Variants in LEP observed in about 807,000 individuals in gnomAD.
LEP encodes leptin.
Under a neutral mutation model 9.8 loss-of-function variants are expected in LEP, and 6 were observed. The observed-to-expected ratio is 0.61, with a 90% CI of 0.34 to 1.21. The LOEUF (loss-of-function observed/expected upper bound fraction) is 1.21. LEP is among the 50% of genes most tolerant of loss of function. The pLI, the probability that LEP is intolerant of heterozygous loss-of-function variation, is 0.04. For missense variants in LEP, 134 were observed against 198.1 expected (o/e 0.68, Z 1.94); for synonymous variants, 112 against 81.7 (o/e 1.37, Z -2.00).
At chr7:128,254,239 C>T (rs1298607607) in intron 2 of LEP, among the ~76,000 whole-genome samples, 165 bp from the exon 3 acceptor site, 1 of 152,142 alleles carries the variant, frequency 6.6e-6, no homozygotes, top group Non-Finnish European at 1.5e-5. Flanking sequence ...AGAGGCTTGG[C>T]AGTCACCTGG....
chr7:128,252,364 C>T (rs1795285464), intron 2 of LEP, among the ~76,000 whole-genome samples: 1 of 152,172 alleles, frequency 6.6e-6, no homozygotes, highest in Admixed American at 6.5e-5. Context: ...TGCTGAGATT[C>T]CAGGGGTTAG....
rs1396289002 is a variant in LEP, at chr7:128,254,316, C to A, written c.145-88C>A. On this transcript the variant is annotated intron_variant, in intron 2 of 2. Transcript: ENST00000308868. ...TGGAAGGAGGCAGCCCAGAGAATGA[C>A]CCTCCATGCCCACGGGGAAGGCAGA... 12 of 1,557,686 alleles carry A rather than the reference C, an allele frequency of 7.7e-6. No homozygotes were observed. The Admixed American group carries it at 1.8e-4, about 24-fold the overall frequency.
intron 1 of LEP, among the ~76,000 whole-genome samples, chr7:128,241,671 G>C (rs1795153339): frequency 6.6e-6 from 1 of 152,222 alleles, no homozygotes; most frequent in Non-Finnish European, 1.5e-5. Flanking sequence ...GTCTGAAGGA[G>C]ATAAAGTTGG....
chr7:128,249,847 T>G (rs1795253949), intron 1 of LEP, among the ~76,000 whole-genome samples: 1 of 152,220 alleles, frequency 6.6e-6, no homozygotes, highest in Non-Finnish European at 1.5e-5. Flanking sequence ...CTCCTAAACC[T>G]GGCCTCTCCT....
chr7:128,251,771 A>G (rs1795277567), intron 1 of LEP, among the ~76,000 whole-genome samples: 1 of 152,174 alleles, frequency 6.6e-6, no homozygotes, highest in Non-Finnish European at 1.5e-5. Context: ...AGGATACCTC[A>G]TGGTGGTTTT....
intron 1 of LEP, among the ~76,000 whole-genome samples, chr7:128,246,850 G>C (rs1169880637): frequency 6.6e-6 from 1 of 152,154 alleles, no homozygotes; most frequent in Non-Finnish European, 1.5e-5. Flanking sequence ...GAGGGTAGAA[G>C]ATGGGGCAGC....
Position 128,254,711 on chromosome 7 carries a change from A to C in LEP, c.452A>C (p.Gln151Pro). The change falls in exon 3 of 3, where the codon CAG becomes CCG. Residue 151 changes from glutamine to proline, a missense_variant. Physicochemically the swap from Gln to Pro is moderately conservative, Grantham distance 76. Coordinates refer to ENST00000308868, the MANE Select transcript of LEP (RefSeq NM_000230.3). ...STEVVALSRL[Q>P]GSLQDMLWQL... Reference sequence around the variant, plus strand: ...GAGGTGGTGGCCCTGAGCAGGCTGCAGGGGTCTCTGCAGGACATGCTGTGG... The same window carrying C: ...GAGGTGGTGGCCCTGAGCAGGCTGCCGGGGTCTCTGCAGGACATGCTGTGG... 1 of 1,613,608 alleles carries C rather than the reference A, an allele frequency of 6.2e-7. No individual in the cohort carries two copies. The highest frequency in any genetic ancestry group is 8.5e-7 in the Non-Finnish European group (1 of 1,179,996).
chr7:128,254,288 G>T, intron 2 of LEP, 116 bp from the exon 3 acceptor site: 1 of 1,350,142 alleles, frequency 7.4e-7, no homozygotes. Flanking sequence ...TGGTGAGGGA[G>T]GGTGGAAGGA....
At chr7:128,247,072 C>T (rs1015593818) in intron 1 of LEP, among the ~76,000 whole-genome samples, 7 of 152,226 alleles carry the variant, frequency 4.6e-5, no homozygotes, top group African/African-American at 1.7e-4. Flanking sequence ...GCTGTATCAA[C>T]ATTTCAGCAG....
At chr7:128,250,220 G>A (rs1795258469) in intron 1 of LEP, among the ~76,000 whole-genome samples, 1 of 152,172 alleles carries the variant, frequency 6.6e-6, no homozygotes, top group Non-Finnish European at 1.5e-5. Flanking sequence ...ATTTAACTCT[G>A]TTGCACAAAC....
chr7:128,241,862 A>G (rs572547898), intron 1 of LEP, among the ~76,000 whole-genome samples: 139 of 152,356 alleles, frequency 9.1e-4, no homozygotes, highest in Middle Eastern at 6.8e-3. Context: ...AACAAGTGTC[A>G]GGAAGACTCA....
chr7:128,250,814 CT>C (rs1387399393), intron 1 of LEP, among the ~76,000 whole-genome samples: 1 of 152,192 alleles, frequency 6.6e-6, no homozygotes, highest in Non-Finnish European at 1.5e-5. Context: ...CTAATATTTA[CT>C]TACATTTTAT....
In LEP at chr7:128,254,969, A is replaced by G. The variant is rs1292727745; in HGVS notation, c.*206A>G. ...ACCAAAGATATATACACAGGATCCT[A>G]TTCTCACCAGGAAGGGGGTCCACCC... is the stretch of plus-strand genomic sequence containing the variant. On this transcript the variant is annotated 3_prime_UTR_variant, in exon 3 of 3. Transcript: ENST00000308868. The G allele has an allele frequency of 1.7e-6, 1 of 604,056 alleles. No individual in the cohort carries two copies. The highest frequency in any genetic ancestry group is 2.9e-6 in the Non-Finnish European group (1 of 339,806). 37.4% of individuals were successfully genotyped at this position (604,056 alleles called of 1,614,324 possible). A position where few individuals can be genotyped will look rare whatever the true frequency, so the allele number is the denominator to read the frequency against.
At chr7:128,245,075 T>A (rs1463812902) in intron 1 of LEP, among the ~76,000 whole-genome samples, 3 of 152,092 alleles carry the variant, frequency 2.0e-5, no homozygotes, top group Non-Finnish European at 2.9e-5. Flanking sequence ...TGTATGTGTG[T>A]CTCTTGGGTA....
chr7:128,251,887 C>A lies in LEP; in HGVS notation c.-28-104C>A, dbSNP rs960931688. 3.2e-6 allele frequency: 3 copies of A among 944,762 alleles called. No individual in the cohort carries two copies. The East Asian group carries it at 7.2e-5, about 23-fold the overall frequency. The allele number at this position is 944,762 out of a possible 1,614,324, so 58.5% of individuals were successfully genotyped here. On this transcript the variant is annotated intron_variant, in intron 1 of 2. Coordinates refer to ENST00000308868, the MANE Select transcript of LEP (RefSeq NM_000230.3). The stretch of plus-strand genomic sequence containing the variant: ...AGGGGATGGTAGCCAGAGCAGAAAG[C>A]AAAGCTGATTTTCATCCCCGTCTGG...
chr7:128,249,458 TG>T (rs1375394234), intron 1 of LEP, among the ~76,000 whole-genome samples: 1 of 152,074 alleles, frequency 6.6e-6, no homozygotes, highest in East Asian at 1.9e-4. Flanking sequence ...GAGCAAGGGA[TG>T]AAAAAGGAAG....
At position 128,255,745 on chromosome 7, in the gene LEP, CA is replaced by C. The variant is rs1795331081; in HGVS notation, c.*983del. 6.6e-6 allele frequency: 1 copy of C among 152,234 alleles called. No homozygotes were observed. The highest frequency in any genetic ancestry group is 2.1e-4 in the South Asian group (1 of 4,822). The allele number at this position is 152,234 out of a possible 1,614,324, so 9.4% of individuals were successfully genotyped here. On this transcript the variant is annotated 3_prime_UTR_variant, in exon 3 of 3. Coordinates refer to ENST00000308868, the MANE Select transcript of LEP (RefSeq NM_000230.3). ...ATGTTTTTCATGAAAATAGCTCTTT[CA>C]GGGGGGTTGTGAGGCCTGGCCAGGC... is the stretch of plus-strand genomic sequence containing the variant.
At position 128,254,460 on chromosome 7, in the gene LEP, C is replaced by T; in HGVS notation, c.201C>T (p.His67=). The T allele has an allele frequency of 6.2e-7, 1 of 1,614,066 alleles. No individual in the cohort carries two copies. The highest frequency in any genetic ancestry group is 1.1e-5 in the South Asian group (1 of 91,080). The change falls in exon 3 of 3, where the codon CAC becomes CAT. Residue 67 remains histidine, a synonymous_variant. Coordinates refer to ENST00000308868, the MANE Select transcript of LEP (RefSeq NM_000230.3). Reference sequence around the variant, plus strand: ...GTTTGGACTTCATTCCTGGGCTCCACCCCATCCTGACCTTATCCAAGATGG... The same window carrying T: ...GTTTGGACTTCATTCCTGGGCTCCATCCCATCCTGACCTTATCCAAGATGG... ...VTGLDFIPGL[H]PILTLSKMDQ...
chr7:128,242,830 G>T lies in LEP; in HGVS notation c.-29+1524G>T, dbSNP rs181029455. 3.0e-4 allele frequency among the ~76,000 whole-genome samples: 46 copies of T among 152,348 alleles called. No individual in the cohort carries two copies. In the East Asian group the frequency reaches 6.8e-3, roughly 22 times the overall value. On this transcript the variant is annotated intron_variant, in intron 1 of 2. Coordinates refer to ENST00000308868, the MANE Select transcript of LEP (RefSeq NM_000230.3). ...CTGAGTGGCCCATGCAGAGCGTGGA[G>T]GTGGCCGCCACGGAACCTGGGTCAA...
Sources: gnomAD v4.1 joint callset for allele counts (sites outside exome capture counted in the v4.1 genomes callset) on GRCh38, gnomAD v4.1.1 for gene constraint, MANE v1.5 for transcripts, NCBI Gene and HGNC (gene_info 2026-07-23, HGNC 2026-07-21) for gene names.